Variants in BACE2 observed in about 807,000 individuals in gnomAD.
The protein encoded by BACE2 is beta-secretase 2, also known as 56 kDa aspartic-like protease.
BACE2 carries 17 observed loss-of-function variants against 46.2 expected under a neutral mutation model. The ratio of observed to expected loss-of-function variants is 0.37; its 90% CI spans 0.25 to 0.55. The LOEUF is 0.55. Among genes scored for constraint, BACE2 ranks in the 20% least tolerant of loss-of-function variants. The probability of loss-of-function intolerance (pLI) is 0.82; values close to 1 mark genes in which losing one functional copy is unlikely to be tolerated. For missense variants in BACE2, 595 were observed against 698.1 expected (o/e 0.85, Z 1.66); for synonymous variants, 277 against 295.9 (o/e 0.94, Z 0.66).
At chr21:41,232,606 A>G (rs919643685) in intron 2 of BACE2, among the ~76,000 whole-genome samples, 18 of 151,956 alleles carry the variant, frequency 1.2e-4, no homozygotes, top group African/African-American at 3.9e-4. Context: ...CCGTTAGTTC[A>G]CATGAGAGCT....
At chr21:41,172,807 C>T (rs1025947199) in intron 1 of BACE2, among the ~76,000 whole-genome samples, 1 of 152,180 alleles carries the variant, frequency 6.6e-6, no homozygotes, top group African/African-American at 2.4e-5. Flanking sequence ...GTCCTGGTCT[C>T]AAAACAATAG....
rs1568880968 is a variant in BACE2 at position 41,237,492 on chromosome 21, GCTTTT to G, written c.402-11_402-7del. 1 of 1,504,934 alleles carries G rather than the reference GCTTTT, an allele frequency of 6.6e-7. No homozygotes were observed. Among genetic ancestry groups the G allele is most frequent in the South Asian group, 1.2e-5 (1 of 83,306 alleles). The allele number at this position is 1,504,934 out of a possible 1,614,324, so 93.2% of individuals were successfully genotyped here. A position where few individuals can be genotyped will look rare whatever the true frequency, so the allele number is the denominator to read the frequency against. The stretch of plus-strand genomic sequence containing the variant: ...AAATAAAATAAAATGAATACAATAT[GCTTTT>G]CTTTTCTTTCTCCAGGTCTAGCACA... On this transcript the variant is annotated splice_polypyrimidine_tract_variant and intron_variant, in intron 2 of 8. Coordinates refer to ENST00000330333, the MANE Select transcript of BACE2 (RefSeq NM_012105.5).
intron 2 of BACE2, among the ~76,000 whole-genome samples, chr21:41,235,396 G>A (rs1383973445): frequency 2.0e-5 from 3 of 152,208 alleles, no homozygotes; most frequent in African/African-American, 7.2e-5. Flanking sequence ...GCTGTTTGCT[G>A]TTATACATAA....
chr21:41,177,416 C>G (rs1230401344), intron 1 of BACE2: 1 of 152,392 alleles, frequency 6.6e-6, no homozygotes, highest in Non-Finnish European at 1.5e-5. Flanking sequence ...TCACAGCACA[C>G]TTATTCCTAA....
chr21:41,232,020 CT>C (rs34868132), intron 2 of BACE2, among the ~76,000 whole-genome samples: 18,901 of 140,440 alleles, frequency 0.13, 1,420 homozygotes, highest in African/African-American at 0.22. Flanking sequence ...TGAGAATTAC[CT>C]TTTTTTTTTT....
In BACE2 at chr21:41,193,976, A is replaced by T. The variant is rs567852125; in HGVS notation, c.312+25401A>T. On this transcript the variant is annotated intron_variant, in intron 1 of 8. Transcript: ENST00000330333. The surrounding 1 kb of genome is among the most constrained non-coding windows in gnomAD (Gnocchi z 4.2). ...TTGGGGAAGGATGGGAGAAAGATTC[A>T]CTGCATACATTGTCGGTAATGTAGT... Among the ~76,000 whole-genome samples the T allele has an allele frequency of 1.3e-5, 2 of 152,296 alleles. No individual in the cohort carries two copies. Among genetic ancestry groups the T allele is most frequent in the Admixed American group, 1.3e-4 (2 of 15,308 alleles).
intron 8 of BACE2, among the ~76,000 whole-genome samples, chr21:41,270,751 A>G (rs1312206584): frequency 1.3e-5 from 2 of 152,220 alleles, no homozygotes; most frequent in Non-Finnish European, 2.9e-5. Flanking sequence ...CACAGTAAAT[A>G]TTTCTTGTGC....
intron 3 of BACE2, 23 bp from the exon 4 acceptor site, chr21:41,241,796 C>G (rs200044817): frequency 6.2e-7 from 1 of 1,613,682 alleles, no homozygotes; most frequent in South Asian, 1.1e-5. Flanking sequence ...AAGCGGGTGC[C>G]CCTCTCTGTC....
At chr21:41,184,009 T>A in intron 1 of BACE2, 1 of 167,202 alleles carries the variant, frequency 6.0e-6, no homozygotes. Context: ...ACAATTGTAC[T>A]TTTTGGCTAT....
Position 41,275,407 on chromosome 21 carries a change from C to A in BACE2, c.1340C>A (p.Pro447His). ...GCTGCAGTGTCTGAAATTTCCGGGC[C>A]TTTCTCAACAGAGGATGTAGCCAGC... ...AGAAVSEISG[P>H]FSTEDVASNC... The change falls in exon 9 of 9, where the codon CCT (proline) becomes CAT (histidine). Residue 447 changes from proline to histidine, a missense_variant. This residue lies in a region of BACE2 where 343 missense variants were observed against 419.4 expected (regional missense o/e 0.82). Transcript: ENST00000330333. 6 of 1,614,190 alleles carry A rather than the reference C, an allele frequency of 3.7e-6. No individual in the cohort carries two copies. The highest frequency in any genetic ancestry group is 5.1e-6 in the Non-Finnish European group (6 of 1,180,040).
intron 1 of BACE2, among the ~76,000 whole-genome samples, chr21:41,219,336 A>G (rs1173657817): frequency 1.3e-5 from 2 of 152,256 alleles, no homozygotes; most frequent in Admixed American, 1.3e-4. Context: ...TAAACACCAG[A>G]AATCTGTATA....
chr21:41,249,250 T>A, intron 6 of BACE2, among the ~76,000 whole-genome samples: 1 of 142,580 alleles, frequency 7.0e-6, no homozygotes, highest in Middle Eastern at 3.8e-3. Flanking sequence ...AGCCCCCACA[T>A]GTACACTTGG....
chr21:41,238,431 G>A (rs1490267922), intron 3 of BACE2, among the ~76,000 whole-genome samples: 2 of 152,238 alleles, frequency 1.3e-5, no homozygotes, highest in African/African-American at 4.8e-5. Context: ...ATTTCCACCT[G>A]GAGGCATTGC....
chr21:41,250,174 GTGTTAC>G (rs1987598394), intron 6 of BACE2, among the ~76,000 whole-genome samples: 3 of 152,290 alleles, frequency 2.0e-5, no homozygotes, highest in South Asian at 4.1e-4. Flanking sequence ...TGGTGTTCTA[GTGTTAC>G]AAGAAGAAGC....
chr21:41,226,081 C>T, intron 1 of BACE2, among the ~76,000 whole-genome samples, 185 bp from the exon 2 acceptor site: 1 of 152,236 alleles, frequency 6.6e-6, no homozygotes, highest in East Asian at 1.9e-4. Context: ...CAAGCTTCTT[C>T]ATGGACTTTG....
At chr21:41,204,598 G>A (rs752032785) in intron 1 of BACE2, among the ~76,000 whole-genome samples, 1 of 152,214 alleles carries the variant, frequency 6.6e-6, no homozygotes, top group African/African-American at 2.4e-5. Flanking sequence ...TCACACGTAT[G>A]TTGAAGACTT....
chr21:41,206,813 G>GA (rs1986140683), intron 1 of BACE2, among the ~76,000 whole-genome samples: 1 of 152,148 alleles, frequency 6.6e-6, no homozygotes, highest in Non-Finnish European at 1.5e-5. Context: ...CCACATTTTA[G>GA]AAAAAATGAA....
At chr21:41,218,479 T>C (rs900562269) in intron 1 of BACE2, among the ~76,000 whole-genome samples, 5 of 152,020 alleles carry the variant, frequency 3.3e-5, no homozygotes, top group Non-Finnish European at 7.4e-5. Flanking sequence ...AACCTAGCCA[T>C]TGGGGAGCTG....
At chr21:41,265,613 A>G (rs1341940146) in intron 8 of BACE2, among the ~76,000 whole-genome samples, 1 of 152,026 alleles carries the variant, frequency 6.6e-6, no homozygotes, top group Non-Finnish European at 1.5e-5. Flanking sequence ...TCTATGAACT[A>G]CCCACTCATA....
Sources: gnomAD v4.1 joint callset for allele counts (sites outside exome capture counted in the v4.1 genomes callset) on GRCh38, gnomAD v4.1.1 for gene constraint, gnomAD v4.1.1 regional missense constraint, Gnocchi (gnomAD v3.1) non-coding constraint, MANE v1.5 for transcripts, NCBI Gene and HGNC (gene_info 2026-07-23, HGNC 2026-07-21) for gene names.